ACADM: variants seen among roughly 807,000 people sequenced by gnomAD.
ACADM encodes medium-chain specific acyl-CoA dehydrogenase, mitochondrial.
In ACADM, 49 loss-of-function variants were observed where a neutral mutation model predicts 58.9. The ratio of observed to expected loss-of-function variants is 0.83; its 90% CI spans 0.66 to 1.06. ACADM has a LOEUF of 1.06. Among genes scored for constraint, ACADM ranks in the 50% least tolerant of loss-of-function variants. The pLI is 0.00. For synonymous variants in ACADM, 160 were observed against 157.7 expected (o/e 1.01, Z -0.11); for missense variants, 496 against 507.0 (o/e 0.98, Z 0.21).
chr1:75,745,070 G>T lies in ACADM; in HGVS notation c.600-736G>T, dbSNP rs190774270. On this transcript the variant is annotated intron_variant, in intron 7 of 11. Transcript: ENST00000370841. ...TGAAACCTCAGAAATACCAAACCCT[G>T]TATATACTATGTTTTTTTCCTACAC... is the stretch of plus-strand genomic sequence containing the variant. Among the ~76,000 whole-genome samples the T allele has an allele frequency of 2.0e-5, 3 of 152,146 alleles. No individual in the cohort carries two copies. In the East Asian group the frequency reaches 5.8e-4, roughly 29 times the overall value.
At position 75,724,735 on chromosome 1, in the gene ACADM, G is replaced by A. The variant is rs1291579377; in HGVS notation, c.-53G>A. ...GAGGAGTCCCGCGTTCGGGGAGTAT[G>A]TCAAGGCCGTGACCCGTGTATTATT... On this transcript the variant is annotated 5_prime_UTR_variant, in exon 1 of 12. The change abolishes an upstream ATG in the 5' untranslated region. Coordinates refer to ENST00000370841, the MANE Select transcript of ACADM (RefSeq NM_000016.6). The A allele has an allele frequency of 7.8e-6, 12 of 1,543,194 alleles. No homozygotes were observed. Among genetic ancestry groups the A allele is most frequent in the Non-Finnish European group, 8.7e-6 (10 of 1,145,252 alleles).
At chr1:75,749,355 A>AT in intron 8 of ACADM, 64 bp from the exon 9 acceptor site, 1 of 1,575,372 alleles carries the variant, frequency 6.3e-7, no homozygotes, top group Non-Finnish European at 8.7e-7. Context: ...TGAAACAGTG[A>AT]TTAAAGCAAA....
At chr1:75,743,394 A>G (rs1227316971) in intron 7 of ACADM, 45 of 1,604,660 alleles carry the variant, frequency 2.8e-5, no homozygotes, top group South Asian at 1.1e-4. Context: ...TGCATGATCA[A>G]TTTGTAGGGT....
chr1:75,761,430 G>A lies in ACADM; in HGVS notation c.1194+60G>A, dbSNP rs780112737. On this transcript the variant is annotated intron_variant, in intron 11 of 11. Transcript: ENST00000370841. ...AGAGAGAATATTCATAAATGACAACGTGGATTTCTGATTATTTAGAAATTT... is the reference window on the plus strand; with the variant it reads ...AGAGAGAATATTCATAAATGACAACATGGATTTCTGATTATTTAGAAATTT... The A allele has an allele frequency of 2.0e-5, 31 of 1,570,414 alleles. No individual in the cohort carries two copies. In the South Asian group the frequency reaches 2.3e-4, roughly 12 times the overall value.
At chr1:75,740,190 A>C in intron 7 of ACADM, 80 bp downstream of exon 7, 1 of 1,384,990 alleles carries the variant, frequency 7.2e-7, no homozygotes, top group Admixed American at 1.7e-5. Flanking sequence ...GTATATTTTT[A>C]AACCACTACA....
intron 6 of ACADM, among the ~76,000 whole-genome samples, chr1:75,738,538 C>G (rs892322942): frequency 3.9e-5 from 6 of 152,110 alleles, no homozygotes; most frequent in African/African-American, 1.4e-4. Context: ...CCTAAGTAAT[C>G]ATTTCTAGTG....
chr1:75,753,533 G>A (rs1363272804), intron 10 of ACADM, among the ~76,000 whole-genome samples: 1 of 151,320 alleles, frequency 6.6e-6, no homozygotes, highest in East Asian at 1.9e-4. Context: ...TCAACCTAAT[G>A]CTTTTCAGTG....
intron 10 of ACADM, among the ~76,000 whole-genome samples, chr1:75,752,829 TA>T (rs1358216659): frequency 6.6e-6 from 1 of 152,212 alleles, no homozygotes; most frequent in African/African-American, 2.4e-5. Context: ...TTTTTATTTG[TA>T]AACAACTTAC....
intron 7 of ACADM, among the ~76,000 whole-genome samples, chr1:75,741,854 A>G (rs147159478): frequency 1.3e-5 from 2 of 152,308 alleles, no homozygotes; most frequent in African/African-American, 2.4e-5. Context: ...AGATGCTTGG[A>G]TATTTGCATT....
intron 10 of ACADM, among the ~76,000 whole-genome samples, chr1:75,754,219 T>C (rs1269629482): frequency 6.7e-6 from 1 of 150,334 alleles, no homozygotes; most frequent in African/African-American, 2.4e-5. Context: ...GTTTTTTTTT[T>C]TTTTTTGAGA....
intron 6 of ACADM, among the ~76,000 whole-genome samples, chr1:75,737,290 A>ATATATATG (rs1553123536): frequency 8.6e-4 from 67 of 78,180 alleles, no homozygotes; most frequent in African/African-American, 3.8e-3. Flanking sequence ...ATATATATAT[A>ATATATATG]TATATATATA....
At chr1:75,733,379 G>T (rs968938242) in intron 4 of ACADM, 149 bp from the exon 5 acceptor site, 2 of 979,212 alleles carry the variant, frequency 2.0e-6, no homozygotes, top group African/African-American at 3.3e-5. Context: ...ATTTCTTATT[G>T]TGCCAGCCAG....
rs764268346 is a variant in ACADM, at chr1:75,745,859, C to A, written c.653C>A (p.Ala218Asp). The stretch of plus-strand genomic sequence containing the variant: ...GATCCTAAAGCTCCTGCTAATAAAG[C>A]CTTTACTGGATTCATTGTGGAAGCA... ...DPDPKAPANK[A>D]FTGFIVEADT... Residue 218 changes from alanine to aspartate, a missense_variant, in exon 8 of 12, where the codon GCC (alanine) becomes GAC (aspartate). Transcript: ENST00000370841. 2.5e-6 allele frequency: 4 copies of A among 1,613,802 alleles called. No homozygotes were observed. Among genetic ancestry groups the A allele is most frequent in the Admixed American group, 1.7e-5 (1 of 60,000 alleles).
intron 10 of ACADM, among the ~76,000 whole-genome samples, chr1:75,751,444 GAT>G (rs1648199649): frequency 6.6e-6 from 1 of 151,248 alleles, no homozygotes; most frequent in East Asian, 1.9e-4. Context: ...GGTATTAAAT[GAT>G]TTGTCCAAGG....
chr1:75,745,785 T>A, intron 7 of ACADM, 21 bp from the exon 8 acceptor site: 2 of 1,534,334 alleles, frequency 1.3e-6, no homozygotes, highest in Non-Finnish European at 1.8e-6. Flanking sequence ...ATCACCATTA[T>A]CCGGTATGTG....
At chr1:75,738,052 G>A (rs1647366613) in intron 6 of ACADM, among the ~76,000 whole-genome samples, 1 of 151,564 alleles carries the variant, frequency 6.6e-6, no homozygotes, top group African/African-American at 2.4e-5. Flanking sequence ...AAGCAGCTGG[G>A]ACTACAGGTG....
chr1:75,743,392 CA>C, intron 7 of ACADM: 1 of 1,601,438 alleles, frequency 6.2e-7, no homozygotes, highest in Non-Finnish European at 8.5e-7. Context: ...CCTGCATGAT[CA>C]ATTTGTAGGG....
intron 7 of ACADM, chr1:75,744,429 T>A: frequency 6.7e-7 from 1 of 1,493,502 alleles, no homozygotes; most frequent in South Asian, 1.1e-5. Flanking sequence ...TTGCTGGTGA[T>A]GGAACCTGCA....
intron 2 of ACADM, among the ~76,000 whole-genome samples, chr1:75,731,817 G>A (rs1445070419): frequency 2.6e-5 from 4 of 152,044 alleles, no homozygotes; most frequent in Non-Finnish European, 4.4e-5. Context: ...TTGAGGCCAC[G>A]AGTTCAAGAC....
Sources: allele counts gnomAD v4.1 joint callset (sites outside exome capture counted in the v4.1 genomes callset), GRCh38; gene constraint gnomAD v4.1.1; transcripts MANE v1.5; gene names NCBI Gene and HGNC (gene_info 2026-07-23, HGNC 2026-07-21).